The following MMP16 variants were observed in gnomAD, a reference collection of about 807,000 sequenced individuals.
MMP16 encodes the protein matrix metallopeptidase 16.
In MMP16, 12 loss-of-function variants were observed where a neutral mutation model predicts 67.8. The observed-to-expected ratio is 0.18, with a 90% CI of 0.11 to 0.29. The LOEUF (loss-of-function observed/expected upper bound fraction) is 0.29. Ranked by LOEUF, MMP16 falls within the 10% of genes least tolerant of loss-of-function variation. MMP16 has a pLI of 1.00. For synonymous variants in MMP16, 249 were observed against 255.9 expected, an observed-to-expected ratio of 0.97 and a Z score of 0.26; for missense variants, 475 against 765.7, an observed-to-expected ratio of 0.62 and a Z score of 4.48.
intron 1 of MMP16, among the ~76,000 whole-genome samples, chr8:88,264,066 AGAGTGT>A (rs753194694): frequency 4.1e-4 from 17 of 41,504 alleles, no homozygotes; most frequent in South Asian, 1.8e-3. Flanking sequence ...AGGGAGAGAG[AGAGTGT>A]GTGTGTGTGT....
chr8:88,230,730 T>C (rs575330339), intron 1 of MMP16, among the ~76,000 whole-genome samples: 1 of 152,294 alleles, frequency 6.6e-6, no homozygotes, highest in East Asian at 1.9e-4. Context: ...TACTACCTTC[T>C]AAGAAATGTG....
Position 88,206,770 on chromosome 8 carries a change from T to G in MMP16, c.133-9464A>C, listed in dbSNP as rs76196906. On this transcript the variant is annotated intron_variant, in intron 1 of 9. Transcript: ENST00000286614. ...ATGCTGTAGGAACTTAACTCTTACT[T>G]GTATCAATTAGCCTATGATAAAATT... Among the ~76,000 whole-genome samples the G allele has an allele frequency of 8.1e-3, 1,238 of 152,340 alleles. 15 individuals are homozygous for G. The highest frequency in any genetic ancestry group is 0.027 in the African/African-American group (1,132 of 41,572).
At chr8:88,279,846 T>C (rs750506734) in intron 1 of MMP16, among the ~76,000 whole-genome samples, 1 of 152,166 alleles carries the variant, frequency 6.6e-6, no homozygotes, top group Non-Finnish European at 1.5e-5. Context: ...TGAAATACTA[T>C]GAAGCTTCAG....
At chr8:88,312,981 C>CA (rs199973384) in intron 1 of MMP16, among the ~76,000 whole-genome samples, 2 of 145,658 alleles carry the variant, frequency 1.4e-5, no homozygotes, top group African/African-American at 2.6e-5. Context: ...GTCTCAAAAA[C>CA]AAAAACAAAA....
chr8:88,177,445 G>C (rs947470587), intron 3 of MMP16, among the ~76,000 whole-genome samples: 2 of 152,158 alleles, frequency 1.3e-5, no homozygotes, highest in African/African-American at 4.8e-5. Flanking sequence ...AAAAGCCTCT[G>C]AAGCCAAGAG....
intron 4 of MMP16, among the ~76,000 whole-genome samples, chr8:88,149,307 C>T (rs1323793537): frequency 6.6e-6 from 1 of 152,230 alleles, no homozygotes; most frequent in South Asian, 2.1e-4. Context: ...ATTGCCCAGG[C>T]TTGCTTAGGT....
intron 4 of MMP16, among the ~76,000 whole-genome samples, chr8:88,125,531 A>T (rs189405170): frequency 6.6e-4 from 101 of 152,104 alleles, no homozygotes; most frequent in Non-Finnish European, 5.4e-4. Context: ...TAATTAAAAC[A>T]ACCTACGTAT....
intron 1 of MMP16, among the ~76,000 whole-genome samples, chr8:88,211,673 C>G (rs1472306715): frequency 6.6e-6 from 1 of 152,120 alleles, no homozygotes; most frequent in Non-Finnish European, 1.5e-5. Context: ...AGACCAGGCT[C>G]TCTTTTACTT....
intron 1 of MMP16, among the ~76,000 whole-genome samples, chr8:88,251,111 CATT>C (rs1810213145): frequency 6.6e-6 from 1 of 151,926 alleles, no homozygotes; most frequent in African/African-American, 2.4e-5. Flanking sequence ...ATGAACTCAT[CATT>C]TTTTATGGCT....
intron 6 of MMP16, among the ~76,000 whole-genome samples, chr8:88,110,122 A>C (rs1391814364): frequency 6.6e-6 from 1 of 151,346 alleles, no homozygotes; most frequent in African/African-American, 2.4e-5. Flanking sequence ...ACTGAAAATA[A>C]TTTTATTGAA....
chr8:88,240,475 A>G (rs1186356464), intron 1 of MMP16, among the ~76,000 whole-genome samples: 1 of 152,206 alleles, frequency 6.6e-6, no homozygotes, highest in Non-Finnish European at 1.5e-5. Context: ...GGATGAAGGT[A>G]GAAAAGCAGG....
At chr8:88,318,853 G>A (rs1412684042) in intron 1 of MMP16, among the ~76,000 whole-genome samples, 2 of 152,054 alleles carry the variant, frequency 1.3e-5, no homozygotes, top group Non-Finnish European at 2.9e-5. Flanking sequence ...TGTTCAAATG[G>A]TATTTCCATG....
At chr8:88,079,177 C>T (rs962138309) in intron 6 of MMP16, among the ~76,000 whole-genome samples, 1 of 152,110 alleles carries the variant, frequency 6.6e-6, no homozygotes, top group Non-Finnish European at 1.5e-5. Context: ...TTCCTTAAGA[C>T]ACCTTGCAGG....
At chr8:88,176,398 A>T (rs946253381) in intron 3 of MMP16, among the ~76,000 whole-genome samples, 1 of 152,194 alleles carries the variant, frequency 6.6e-6, no homozygotes, top group Non-Finnish European at 1.5e-5. Flanking sequence ...ATTTAAAGAA[A>T]AAGTGTAGTG....
intron 1 of MMP16, among the ~76,000 whole-genome samples, chr8:88,264,350 T>A (rs2129957192): frequency 6.6e-6 from 1 of 152,130 alleles, no homozygotes; most frequent in African/African-American, 2.4e-5. Context: ...CAGGCATGCA[T>A]CACCACACCC....
chr8:88,141,350 A>G (rs1028142581), intron 4 of MMP16, among the ~76,000 whole-genome samples: 2 of 152,210 alleles, frequency 1.3e-5, no homozygotes, highest in Admixed American at 1.3e-4. Context: ...CAGTATTAAG[A>G]AAGTATATAA....
intron 1 of MMP16, among the ~76,000 whole-genome samples, chr8:88,323,538 A>T (rs1303054520): frequency 5.3e-5 from 8 of 152,146 alleles, no homozygotes; most frequent in African/African-American, 1.9e-4. Context: ...TTTGTCACAA[A>T]AGAGTAATCA....
At chr8:88,253,102 T>C (rs1367284813) in intron 1 of MMP16, among the ~76,000 whole-genome samples, 1 of 152,154 alleles carries the variant, frequency 6.6e-6, no homozygotes, top group East Asian at 1.9e-4. Context: ...TACTTGTCAG[T>C]TATTTACAGA....
At chr8:88,089,478 A>C (rs1312239966) in intron 6 of MMP16, among the ~76,000 whole-genome samples, 2 of 151,958 alleles carry the variant, frequency 1.3e-5, no homozygotes, top group African/African-American at 4.8e-5. Flanking sequence ...AAGGAATGGC[A>C]ATTCTAAAAG....
Sources: allele counts gnomAD v4.1 joint callset (sites outside exome capture counted in the v4.1 genomes callset), GRCh38; gene constraint gnomAD v4.1.1; transcripts MANE v1.5; gene names NCBI Gene and HGNC (gene_info 2026-07-23, HGNC 2026-07-21).